Variants in ANKFN1 observed in about 807,000 individuals in gnomAD.
ANKFN1 encodes the protein ankyrin repeat and fibronectin type-III domain-containing protein 1.
Under a neutral mutation model 108.7 loss-of-function variants are expected in ANKFN1, and 74 were observed. The ratio of observed to expected loss-of-function variants is 0.68; its 90% confidence interval spans 0.56 to 0.83. ANKFN1 has a LOEUF of 0.83. ANKFN1 is among the 40% of genes least tolerant of loss of function. The pLI is 0.00. For synonymous variants in ANKFN1, 547 were observed against 516.2 expected (o/e 1.06, Z -0.81); for missense variants, 1,505 against 1,382.3 (o/e 1.09, Z -1.41).
chr17:56,498,833 T>C (rs2051281628), intron 19 of ANKFN1, 49 bp from the exon 20 acceptor site: 2 of 1,461,320 alleles, frequency 1.4e-6, no homozygotes, highest in South Asian at 2.4e-5. Context: ...TGTATTCCTT[T>C]TTAATCACTG....
chr17:56,205,781 G>A (rs1486937032), intron 1 of ANKFN1, among the ~76,000 whole-genome samples: 1 of 152,020 alleles, frequency 6.6e-6, no homozygotes. Flanking sequence ...CAATTGGTTA[G>A]CAATATTAGG....
chr17:56,352,922 C>T (rs1316817953), intron 5 of ANKFN1, among the ~76,000 whole-genome samples: 2 of 152,150 alleles, frequency 1.3e-5, no homozygotes, highest in Non-Finnish European at 2.9e-5. Flanking sequence ...ATGGTCCAGA[C>T]ATGAGATGAC....
At chr17:56,351,709 T>TC (rs2046253017) in intron 5 of ANKFN1, among the ~76,000 whole-genome samples, 3 of 152,172 alleles carry the variant, frequency 2.0e-5, no homozygotes, top group Non-Finnish European at 4.4e-5. Context: ...TCATAGTGAG[T>TC]TATGTAATAG....
At chr17:56,433,380 T>A (rs180908845) in intron 8 of ANKFN1, among the ~76,000 whole-genome samples, 328 of 152,194 alleles carry the variant, frequency 2.2e-3, no homozygotes, top group African/African-American at 7.5e-3. Flanking sequence ...AGTTTTTGAG[T>A]ATTAGAAGAA....
At chr17:56,386,084 A>C (rs1431313254) in intron 8 of ANKFN1, among the ~76,000 whole-genome samples, 4 of 152,138 alleles carry the variant, frequency 2.6e-5, no homozygotes, top group African/African-American at 9.7e-5. Flanking sequence ...ATGTCCAACA[A>C]TGATAGACTG....
chr17:56,337,350 G>C (rs2045840241), intron 4 of ANKFN1, among the ~76,000 whole-genome samples: 1 of 152,152 alleles, frequency 6.6e-6, no homozygotes, highest in Non-Finnish European at 1.5e-5. Context: ...TTGTGTGGGA[G>C]TCTAAGTCTC....
intron 1 of ANKFN1, among the ~76,000 whole-genome samples, chr17:56,154,871 G>A (rs1908954108): frequency 2.0e-5 from 3 of 151,168 alleles, no homozygotes; most frequent in Admixed American, 2.0e-4. Flanking sequence ...TAGTCTTGTG[G>A]TCAGAAGACT....
At chr17:56,112,927 G>T (rs1906052939) in intron 4 of ANKFN1, among the ~76,000 whole-genome samples, 1 of 152,126 alleles carries the variant, frequency 6.6e-6, no homozygotes, top group South Asian at 2.1e-4. Flanking sequence ...GCATGTAATT[G>T]ATGTGTGTAT....
At chr17:56,349,476 T>C (rs2046192280) in intron 4 of ANKFN1, among the ~76,000 whole-genome samples, 2 of 152,010 alleles carry the variant, frequency 1.3e-5, no homozygotes, top group Non-Finnish European at 2.9e-5. Flanking sequence ...CAAAGTTAGT[T>C]TGTGCTAGCA....
At chr17:56,340,578 G>T (rs911682045) in intron 4 of ANKFN1, among the ~76,000 whole-genome samples, 1 of 151,864 alleles carries the variant, frequency 6.6e-6, no homozygotes, top group Admixed American at 6.6e-5. Context: ...TTTCCCTATT[G>T]TCTTTATCAA....
At chr17:56,179,461 G>A (rs79154041) in intron 1 of ANKFN1, among the ~76,000 whole-genome samples, 5 of 152,222 alleles carry the variant, frequency 3.3e-5, no homozygotes, top group African/African-American at 9.6e-5. Context: ...CTTGAAGAAC[G>A]GAACGCATTT....
chr17:56,393,676 G>T (rs1421250379), intron 8 of ANKFN1, among the ~76,000 whole-genome samples: 1 of 152,128 alleles, frequency 6.6e-6, no homozygotes, highest in Non-Finnish European at 1.5e-5. Flanking sequence ...AGGTAATGTG[G>T]GCACAGTGAA....
chr17:56,366,988 G>A (rs1160349312), intron 6 of ANKFN1, among the ~76,000 whole-genome samples: 1 of 152,186 alleles, frequency 6.6e-6, no homozygotes, highest in African/African-American at 2.4e-5. Context: ...AGGACCAAGG[G>A]TACTAAAGGG....
chr17:56,159,661 C>T (rs1419655045), intron 1 of ANKFN1, among the ~76,000 whole-genome samples: 2 of 152,168 alleles, frequency 1.3e-5, no homozygotes, highest in Non-Finnish European at 1.5e-5. Flanking sequence ...TCCCCCTTTC[C>T]AAGACACACG....
Position 56,197,094 on chromosome 17 carries a change from G to A in ANKFN1, c.-70-15504G>A, listed in dbSNP as rs77658934. 7.9e-5 allele frequency among the ~76,000 whole-genome samples: 12 copies of A among 152,318 alleles called. No homozygotes were observed. In the East Asian group the frequency reaches 2.3e-3, roughly 29 times the overall value. On this transcript the variant is annotated intron_variant, in intron 1 of 20. Coordinates refer to ENST00000682825, the MANE Select transcript of ANKFN1 (RefSeq NM_001370326.1). ...AAAACCATTTAAACATGTAGAGGCTGCAATCTCATTTTCGAATATTAGGTT... is the reference window on the plus strand; with the variant it reads ...AAAACCATTTAAACATGTAGAGGCTACAATCTCATTTTCGAATATTAGGTT...
At chr17:56,423,832 G>T (rs986847400) in intron 8 of ANKFN1, among the ~76,000 whole-genome samples, 8 of 152,140 alleles carry the variant, frequency 5.3e-5, no homozygotes, top group Admixed American at 1.3e-4. Flanking sequence ...TTATCCATCT[G>T]CATGCTGGGC....
rs771836958 is a variant in ANKFN1, at chr17:56,200,377, G to A, written c.-70-12221G>A. ...TGACTCTGCCATGAATTGGCTATTTGGCCATGCACAAGTCACTTCAACTTC... is the reference window on the plus strand; with the variant it reads ...TGACTCTGCCATGAATTGGCTATTTAGCCATGCACAAGTCACTTCAACTTC... On this transcript the variant is annotated intron_variant, in intron 1 of 20. Transcript: ENST00000682825. Among the ~76,000 whole-genome samples, 6 of 152,156 alleles carry A rather than the reference G, an allele frequency of 3.9e-5. 1 individual carries two copies. Among genetic ancestry groups the A allele is most frequent in the African/African-American group, 1.4e-4 (6 of 41,420 alleles).
chr17:56,091,011 A>G (rs776500896), intron 4 of ANKFN1, among the ~76,000 whole-genome samples: 8 of 151,292 alleles, frequency 5.3e-5, no homozygotes, highest in Non-Finnish European at 1.0e-4. Flanking sequence ...CTTGTGAACA[A>G]TTGTTACAAA....
chr17:56,428,234 CA>C (rs968135875), intron 8 of ANKFN1, among the ~76,000 whole-genome samples: 151 of 128,970 alleles, frequency 1.2e-3, no homozygotes, highest in African/African-American at 1.4e-3. Flanking sequence ...AAATCCATCT[CA>C]AAAAAAAAAA....
Sources: gnomAD v4.1 joint callset for allele counts (sites outside exome capture counted in the v4.1 genomes callset) on GRCh38, gnomAD v4.1.1 for gene constraint, MANE v1.5 for transcripts, NCBI Gene and HGNC (gene_info 2026-07-23, HGNC 2026-07-21) for gene names.